PSAPL1: variants seen among roughly 807,000 people sequenced by gnomAD.
The protein encoded by PSAPL1 is prosaposin like 1.
For missense variants in PSAPL1, 814 were observed against 688.8 expected (o/e 1.18, Z -2.03); for synonymous variants, 351 against 291.6 (o/e 1.20, Z -2.08).
Position 7,433,761 on chromosome 4 carries a change from C to T in PSAPL1, c.1119G>A (p.Arg373=). ...IRLCGNRRRA[R]AVHDAYAIVP... Reference sequence around the variant, plus strand: ...CGATGGCATAGGCATCATGGACTGCCCGGGCCCGCCTCCGGTTGCCACACA... The same window carrying T: ...CGATGGCATAGGCATCATGGACTGCTCGGGCCCGCCTCCGGTTGCCACACA... The change falls in exon 1 of 1, where the codon CGG becomes CGA. Residue 373 remains arginine (R), a synonymous_variant. Transcript: ENST00000319098. 2 of 1,613,404 alleles carry T rather than the reference C, an allele frequency of 1.2e-6. No homozygotes were observed. The highest frequency in any genetic ancestry group is 1.7e-6 in the Non-Finnish European group (2 of 1,179,850).
In PSAPL1 at chr4:7,434,650, C is replaced by A; in HGVS notation, c.230G>T (p.Gly77Val). ...AGACTCCGTGGCGTCAGGGTTCAGC[C>A]CATTGCCAGCGGCGGCTGCTATGTC... Reference protein sequence around the residue: ...CQDIAAAAGNGLNPDATESDI... With the variant: ...CQDIAAAAGNVLNPDATESDI... Residue 77 changes from glycine (G) to valine (V), a missense_variant, in exon 1 of 1, where the codon GGG (glycine) becomes GTG (valine). Gly to Val is a moderately radical substitution (Grantham distance 109). Coordinates refer to ENST00000319098, the MANE Select transcript of PSAPL1 (RefSeq NM_001085382.2). 6.2e-7 allele frequency: 1 copy of A among 1,613,278 alleles called. No homozygotes were observed. Among genetic ancestry groups the A allele is most frequent in the Non-Finnish European group, 8.5e-7 (1 of 1,179,624 alleles).
In PSAPL1 at chr4:7,431,498, A is replaced by G. The variant is rs1424874405; in HGVS notation, c.*1816T>C. The G allele has an allele frequency of 6.6e-6, 1 of 152,202 alleles. No homozygotes were observed. Among genetic ancestry groups the G allele is most frequent in the Non-Finnish European group, 1.5e-5 (1 of 68,064 alleles). 9.4% of individuals were successfully genotyped at this position (152,202 alleles called of 1,614,324 possible). On this transcript the variant is annotated 3_prime_UTR_variant, in exon 1 of 1. Coordinates refer to ENST00000319098, the MANE Select transcript of PSAPL1 (RefSeq NM_001085382.2). The stretch of plus-strand genomic sequence containing the variant: ...CCTATGGCTCCATCCTGTCCCAGAG[A>G]GTGTGTCAGGTGGGAACACCTACCG...
Position 7,434,494 on chromosome 4 carries a change from G to A in PSAPL1, c.386C>T (p.Ala129Val), listed in dbSNP as rs748158822. Residue 129 changes from alanine (A) to valine (V), a missense_variant, in exon 1 of 1, where the codon GCC becomes GTC. By Grantham distance (64) the Ala-to-Val change is moderately conservative (BLOSUM62 0). Transcript: ENST00000319098. ...GAGCGCTGTGCACACCTGTGCCGGGGCACTGTCCGGGGCCCCACGGAGCAT... is the reference window on the plus strand; with the variant it reads ...GAGCGCTGTGCACACCTGTGCCGGGACACTGTCCGGGGCCCCACGGAGCAT... ...LSMLRGAPDS[A>V]PAQVCTALSL... 2 of 1,612,046 alleles carry A rather than the reference G, an allele frequency of 1.2e-6. No individual in the cohort carries two copies. The highest frequency in any genetic ancestry group is 1.1e-5 in the South Asian group (1 of 90,926).
chr4:7,434,267 C>A lies in PSAPL1; in HGVS notation c.613G>T (p.Ala205Ser), dbSNP rs770834133. The A allele has an allele frequency of 1.1e-5, 17 of 1,613,308 alleles. No individual in the cohort carries two copies. The highest frequency in any genetic ancestry group is 1.4e-5 in the Non-Finnish European group (17 of 1,179,826). Residue 205 changes from alanine (A) to serine (S), a missense_variant, in exon 1 of 1, where the codon GCC (alanine) becomes TCC (serine). By Grantham distance (99) the Ala-to-Ser change is moderately conservative (BLOSUM62 1). Coordinates refer to ENST00000319098, the MANE Select transcript of PSAPL1 (RefSeq NM_001085382.2). ...QEAVRSNLTL[A>S]DLNIQEQCES... ...CACTGCTCCTGGATGTTCAAGTCGG[C>A]CAAGGTCAAGTTGGACCGGACAGCC...
In PSAPL1 at chr4:7,430,842, A is replaced by G. The variant is rs1413550639; in HGVS notation, c.*2472T>C. ...CTTTTCCAGCCTGAACGCGGCGGCT[A>G]TGGAGTCATTTGGATGGACTCCTTA... is the stretch of plus-strand genomic sequence containing the variant. On this transcript the variant is annotated 3_prime_UTR_variant, in exon 1 of 1. Coordinates refer to ENST00000319098, the MANE Select transcript of PSAPL1 (RefSeq NM_001085382.2). The G allele has an allele frequency of 2.6e-5, 4 of 152,252 alleles. No individual in the cohort carries two copies. The highest frequency in any genetic ancestry group is 4.8e-5 in the African/African-American group (2 of 41,440). 9.4% of individuals were successfully genotyped at this position (152,252 alleles called of 1,614,324 possible).
Position 7,434,613 on chromosome 4 carries a change from A to C in PSAPL1, c.267T>G (p.Ala89=). ...NPDATESDIL[A]LVMKTCEWLP... ...GCCACTCACAGGTCTTCATCACCAA[A>C]GCCAGGATGTCAGACTCCGTGGCGT... is the stretch of plus-strand genomic sequence containing the variant. The change falls in exon 1 of 1, where the codon GCT becomes GCG. Residue 89 remains alanine (A), a synonymous_variant. Transcript: ENST00000319098. 1 of 1,613,420 alleles carries C rather than the reference A, an allele frequency of 6.2e-7. No individual in the cohort carries two copies. Among genetic ancestry groups the C allele is most frequent in the Non-Finnish European group, 8.5e-7 (1 of 1,179,728 alleles).
chr4:7,433,842 G>T lies in PSAPL1; in HGVS notation c.1038C>A (p.Ser346=), dbSNP rs1465660299. 2 of 1,613,918 alleles carry T rather than the reference G, an allele frequency of 1.2e-6. No individual in the cohort carries two copies. The highest frequency in any genetic ancestry group is 1.7e-6 in the Non-Finnish European group (2 of 1,179,890). Residue 346 remains serine (S), a synonymous_variant, in exon 1 of 1, where the codon TCC becomes TCA. Transcript: ENST00000319098. ...TGATTTTGGCCACAAGCTGCACCAA[G>T]GAGGGGCTGTAGGTGTCCACCAAGA... ...CIILVDTYSP[S]LVQLVAKITP...
Position 7,433,262 on chromosome 4 carries a change from G to A in PSAPL1, c.*52C>T. 1 of 1,333,616 alleles carries A rather than the reference G, an allele frequency of 7.5e-7. No individual in the cohort carries two copies. The allele number at this position is 1,333,616 out of a possible 1,614,324, so 82.6% of individuals were successfully genotyped here. On this transcript the variant is annotated 3_prime_UTR_variant, in exon 1 of 1. Transcript: ENST00000319098. ...CATTTGTGAAATGGGGATGGGGAAA[G>A]CACCCACCTCATGGGCCTCGCTAGC...
rs1274267485 is a variant in PSAPL1 at position 7,434,151 on chromosome 4, G to T, written c.729C>A (p.Pro243=). 1.9e-6 allele frequency: 3 copies of T among 1,613,930 alleles called. No homozygotes were observed. Among genetic ancestry groups the T allele is most frequent in the South Asian group, 1.1e-5 (1 of 91,068 alleles). ...CCCCCTTCCTGCAGAGCTCCTGCGGGGGGAGAAGCCTCAGTGCTTGGTCAG... is the reference window on the plus strand; with the variant it reads ...CCCCCTTCCTGCAGAGCTCCTGCGGTGGGAGAAGCCTCAGTGCTTGGTCAG... ...VPADQALRLL[P]PQELCRKGGF... The change falls in exon 1 of 1, where the codon CCC becomes CCA. Residue 243 remains proline, a synonymous_variant. Coordinates refer to ENST00000319098, the MANE Select transcript of PSAPL1 (RefSeq NM_001085382.2).
rs750384884 is a variant in PSAPL1, at chr4:7,433,480, C to T, written c.1400G>A (p.Gly467Glu). 2 of 1,582,860 alleles carry T rather than the reference C, an allele frequency of 1.3e-6. No homozygotes were observed. Among genetic ancestry groups the T allele is most frequent in the Admixed American group, 1.8e-5 (1 of 56,380 alleles). ...TGGGGTCCTGGGGCCGTGGCAGGCC[C>T]CCACCTTCTTGCACACAGCCACGGG... ...MDPVAVCKKV[G>E]ACHGPRTPLL... The change falls in exon 1 of 1, where the codon GGG (glycine) becomes GAG (glutamate). Residue 467 changes from glycine (G) to glutamate (E), a missense_variant. Coordinates refer to ENST00000319098, the MANE Select transcript of PSAPL1 (RefSeq NM_001085382.2).
chr4:7,432,746 C>T lies in PSAPL1; in HGVS notation c.*568G>A, dbSNP rs1373072017. 3 of 152,338 alleles carry T rather than the reference C, an allele frequency of 2.0e-5. No individual in the cohort carries two copies. The highest frequency in any genetic ancestry group is 7.2e-5 in the African/African-American group (3 of 41,424). 9.4% of individuals were successfully genotyped at this position (152,338 alleles called of 1,614,324 possible). ...AGAATGTGACCAAAGCCCCAGACCT[C>T]TCCCCGGAAATGTCCAGGGATACGT... is the stretch of plus-strand genomic sequence containing the variant. On this transcript the variant is annotated 3_prime_UTR_variant, in exon 1 of 1. Transcript: ENST00000319098.
Position 7,433,872 on chromosome 4 carries a change from G to A in PSAPL1, c.1008C>T (p.Cys336=), listed in dbSNP as rs554868027. 120 of 1,613,896 alleles carry A rather than the reference G, an allele frequency of 7.4e-5. 1 individual carries two copies. The South Asian group carries it at 1.2e-3, about 16-fold the overall frequency. The part of the protein sequence containing the change: ...SVMPASITKE[C]IILVDTYSPS... ...GGCTGTAGGTGTCCACCAAGATGATGCACTCCTTCGTGATAGAGGCAGGCA... is the reference window on the plus strand; with the variant it reads ...GGCTGTAGGTGTCCACCAAGATGATACACTCCTTCGTGATAGAGGCAGGCA... Residue 336 remains cysteine (C), a synonymous_variant, in exon 1 of 1, where the codon TGC becomes TGT. Transcript: ENST00000319098.
Position 7,432,620 on chromosome 4 carries a change from C to A in PSAPL1, c.*694G>T, listed in dbSNP as rs1291145344. 1 of 152,152 alleles carries A rather than the reference C, an allele frequency of 6.6e-6. No homozygotes were observed. The highest frequency in any genetic ancestry group is 1.5e-5 in the Non-Finnish European group (1 of 68,050). 9.4% of individuals were successfully genotyped at this position (152,152 alleles called of 1,614,324 possible). A position where few individuals can be genotyped will look rare whatever the true frequency, so the allele number is the denominator to read the frequency against. ...CACACCCCAAGACTTTCCTTCTGCT[C>A]ATTACCAGGGCAGCGGAGGGTCTGG... On this transcript the variant is annotated 3_prime_UTR_variant, in exon 1 of 1. Transcript: ENST00000319098.
In PSAPL1 at chr4:7,434,278, T is replaced by C; in HGVS notation, c.602A>G (p.Asn201Ser). 5 of 1,613,140 alleles carry C rather than the reference T, an allele frequency of 3.1e-6. No individual in the cohort carries two copies. Among genetic ancestry groups the C allele is most frequent in the Non-Finnish European group, 4.2e-6 (5 of 1,179,810 alleles). Residue 201 changes from asparagine (N) to serine (S), a missense_variant, in exon 1 of 1, where the codon AAC becomes AGC. Transcript: ENST00000319098. ...VSRLQEAVRS[N>S]LTLADLNIQE... is the part of the protein sequence containing the mutation. ...GATGTTCAAGTCGGCCAAGGTCAAG[T>C]TGGACCGGACAGCCTCCTGGAGTCG...
At position 7,432,852 on chromosome 4, in the gene PSAPL1, A is replaced by AC. The variant is rs77691359; in HGVS notation, c.*461dup. 0.47 allele frequency: 71,602 copies of AC among 152,944 alleles called. 17,297 individuals carry two copies. Among genetic ancestry groups the AC allele is most frequent in the East Asian group, 0.58 (2,977 of 5,148 alleles). 9.5% of individuals were successfully genotyped at this position (152,944 alleles called of 1,614,324 possible). A position where few individuals can be genotyped will look rare whatever the true frequency, so the allele number is the denominator to read the frequency against. On this transcript the variant is annotated 3_prime_UTR_variant, in exon 1 of 1. Transcript: ENST00000319098. Reference sequence around the variant, plus strand: ...TGGCCTGAGCGAGACCCAGACTCCCACCCCCGGCTGTTGGCAAGAGGTAAT... The same window carrying AC: ...TGGCCTGAGCGAGACCCAGACTCCCACCCCCCGGCTGTTGGCAAGAGGTAAT...
At position 7,434,679 on chromosome 4, in the gene PSAPL1, G is replaced by C. The variant is rs1727166511; in HGVS notation, c.201C>G (p.Cys67Trp). The C allele has an allele frequency of 6.2e-7, 1 of 1,612,416 alleles. No individual in the cohort carries two copies. The highest frequency in any genetic ancestry group is 8.5e-7 in the Non-Finnish European group (1 of 1,179,354). The change falls in exon 1 of 1, where the codon TGC (cysteine) becomes TGG (tryptophan). Residue 67 changes from cysteine (C) to tryptophan (W), a missense_variant. Coordinates refer to ENST00000319098, the MANE Select transcript of PSAPL1 (RefSeq NM_001085382.2). ...TGCCAGCGGCGGCTGCTATGTCCTG[G>C]CATACGTCGCAGGGCAGAGACTTCG... The part of the protein sequence containing the change: ...PTAKSLPCDV[C>W]QDIAAAAGNG...
Position 7,434,358 on chromosome 4 carries a change from G to A in PSAPL1, c.522C>T (p.His174=), listed in dbSNP as rs1471751637. ...PFMANGPLTF[H]PRQAPEGALC... Reference sequence around the variant, plus strand: ...GAGCTCCTTCAGGCGCCTGGCGGGGGTGGAAGGTAAGGGGCCCATTGGCCA... The same window carrying A: ...GAGCTCCTTCAGGCGCCTGGCGGGGATGGAAGGTAAGGGGCCCATTGGCCA... Residue 174 remains histidine, a synonymous_variant, in exon 1 of 1, where the codon CAC becomes CAT. Transcript: ENST00000319098. 2 of 1,608,286 alleles carry A rather than the reference G, an allele frequency of 1.2e-6. No homozygotes were observed. Among genetic ancestry groups the A allele is most frequent in the East Asian group, 2.2e-5 (1 of 44,736 alleles).
chr4:7,434,256 G>A lies in PSAPL1; in HGVS notation c.624C>T (p.Asn208=), dbSNP rs747754840. 3.1e-6 allele frequency: 5 copies of A among 1,613,320 alleles called. No homozygotes were observed. The highest frequency in any genetic ancestry group is 3.3e-5 in the Admixed American group (2 of 59,998). Residue 208 remains asparagine (N), a synonymous_variant, in exon 1 of 1, where the codon AAC becomes AAT. Transcript: ENST00000319098. The part of the protein sequence containing the change: ...VRSNLTLADL[N]IQEQCESLGP... ...CCAAGGACTCACACTGCTCCTGGAT[G>A]TTCAAGTCGGCCAAGGTCAAGTTGG...
rs1726869250 is a variant in PSAPL1 at position 7,431,647 on chromosome 4, T to A, written c.*1667A>T. On this transcript the variant is annotated 3_prime_UTR_variant, in exon 1 of 1. Transcript: ENST00000319098. The stretch of plus-strand genomic sequence containing the variant: ...TTTGGAGTCTGGTGCAGAGCTGCCT[T>A]CCCATGGCCCATCCGGTGGCCAGGC... 1 of 152,082 alleles carries A rather than the reference T, an allele frequency of 6.6e-6. No individual in the cohort carries two copies. The highest frequency in any genetic ancestry group is 2.1e-4 in the South Asian group (1 of 4,822). 9.4% of individuals were successfully genotyped at this position (152,082 alleles called of 1,614,324 possible). A position where few individuals can be genotyped will look rare whatever the true frequency, so the allele number is the denominator to read the frequency against.
Sources: allele counts gnomAD v4.1 joint callset, GRCh38; gene constraint gnomAD v4.1.1; transcripts MANE v1.5; gene names NCBI Gene and HGNC (gene_info 2026-07-23, HGNC 2026-07-21).